Variants in MAGI3 observed in about 807,000 individuals in gnomAD.
MAGI3 encodes membrane associated guanylate kinase, WW and PDZ domain containing 3.
A neutral mutation model predicts 121.8 loss-of-function variants in MAGI3; 43 were observed. That is an observed-to-expected ratio of 0.35 (90% CI 0.28 to 0.46). The LOEUF (loss-of-function observed/expected upper bound fraction) is 0.46. MAGI3 is among the 20% of genes least tolerant of loss of function. MAGI3 has a pLI of 1.00. For missense variants in MAGI3, 1,547 were observed against 1,797.3 expected (o/e 0.86, Z 2.52); for synonymous variants, 553 against 639.3 (o/e 0.86, Z 2.04).
At chr1:113,616,001 C>T (rs1650436169) in intron 7 of MAGI3, among the ~76,000 whole-genome samples, 1 of 152,102 alleles carries the variant, frequency 6.6e-6, no homozygotes, top group Non-Finnish European at 1.5e-5. Flanking sequence ...ATTGACACTG[C>T]TGAACATTTC....
chr1:113,612,078 G>C (rs911055651), intron 6 of MAGI3, among the ~76,000 whole-genome samples: 1 of 151,984 alleles, frequency 6.6e-6, no homozygotes, highest in African/African-American at 2.4e-5. Context: ...TGAGTAGCTG[G>C]GACTACAGGC....
Position 113,560,361 on chromosome 1 carries a change from G to A in MAGI3, c.433+10730G>A, listed in dbSNP as rs182973547. On this transcript the variant is annotated intron_variant, in intron 2 of 20. Transcript: ENST00000307546. The stretch of plus-strand genomic sequence containing the variant: ...ACTGCACTCCTGCCTGAGTCACAGA[G>A]CGAGACTCCATCTTAAAAAACAAAC... Among the ~76,000 whole-genome samples, 23 of 151,788 alleles carry A rather than the reference G, an allele frequency of 1.5e-4. No individual in the cohort carries two copies. In the East Asian group the frequency reaches 4.3e-3, roughly 28 times the overall value.
intron 1 of MAGI3, among the ~76,000 whole-genome samples, chr1:113,461,518 C>A (rs1273051564): frequency 6.6e-6 from 1 of 152,172 alleles, no homozygotes; most frequent in Non-Finnish European, 1.5e-5. Context: ...ACTGGCTAGC[C>A]ATATGCAGAA....
At chr1:113,529,083 ATAAAG>A (rs1658586820) in intron 1 of MAGI3, among the ~76,000 whole-genome samples, 1 of 152,218 alleles carries the variant, frequency 6.6e-6, no homozygotes, top group Admixed American at 6.5e-5. Context: ...ACACTATATT[ATAAAG>A]TATAGTTGGA....
chr1:113,470,591 A>G (rs1655495776), intron 1 of MAGI3, among the ~76,000 whole-genome samples: 3 of 152,214 alleles, frequency 2.0e-5, no homozygotes, highest in Admixed American at 2.0e-4. Flanking sequence ...TAAGTTTACA[A>G]TGCAGAATTA....
At chr1:113,522,905 A>G (rs951249543) in intron 1 of MAGI3, among the ~76,000 whole-genome samples, 6 of 152,186 alleles carry the variant, frequency 3.9e-5, no homozygotes, top group African/African-American at 1.2e-4. Context: ...TAAGAAAGAG[A>G]CAATGAAAGT....
At chr1:113,480,821 C>A (rs1413102092) in intron 1 of MAGI3, among the ~76,000 whole-genome samples, 1 of 152,062 alleles carries the variant, frequency 6.6e-6, no homozygotes, top group African/African-American at 2.4e-5. Flanking sequence ...GCTGGAAACT[C>A]CTATTCTGCC....
intron 1 of MAGI3, among the ~76,000 whole-genome samples, chr1:113,479,763 T>C (rs1160150067): frequency 6.6e-6 from 1 of 152,148 alleles, no homozygotes; most frequent in African/African-American, 2.4e-5. Context: ...TGCCATAGAC[T>C]ATCTTCACTC....
intron 1 of MAGI3, among the ~76,000 whole-genome samples, chr1:113,482,449 A>G (rs1656156364): frequency 6.6e-6 from 1 of 151,768 alleles, no homozygotes; most frequent in Non-Finnish European, 1.5e-5. Context: ...TCCTTGATCC[A>G]CCTCAGTCTC....
intron 19 of MAGI3, among the ~76,000 whole-genome samples, chr1:113,675,767 T>G (rs1647829651): frequency 6.6e-6 from 1 of 152,132 alleles, no homozygotes; most frequent in Admixed American, 6.5e-5. Flanking sequence ...GAGGGACCGA[T>G]GGCCTTAATA....
chr1:113,561,096 G>A (rs1660216727), intron 2 of MAGI3, among the ~76,000 whole-genome samples: 1 of 152,084 alleles, frequency 6.6e-6, no homozygotes, highest in Non-Finnish European at 1.5e-5. Context: ...GAGACCAATA[G>A]CCAGTTCTGA....
chr1:113,624,551 T>A (rs969427416), intron 9 of MAGI3, among the ~76,000 whole-genome samples: 1 of 152,228 alleles, frequency 6.6e-6, no homozygotes, highest in Non-Finnish European at 1.5e-5. Context: ...CATTTTTTAA[T>A]CAGATTATTA....
At chr1:113,619,610 T>C in intron 7 of MAGI3, 126 bp from the exon 8 acceptor site, 2 of 629,770 alleles carry the variant, frequency 3.2e-6, no homozygotes, top group Non-Finnish European at 5.5e-6. Context: ...AGTCTCTCCA[T>C]GTTCCATAGC....
At chr1:113,551,450 A>G (rs971301746) in intron 2 of MAGI3, among the ~76,000 whole-genome samples, 2 of 152,242 alleles carry the variant, frequency 1.3e-5, no homozygotes, top group Admixed American at 6.5e-5. Flanking sequence ...AAAGATTTCT[A>G]CTGACAAAGT....
chr1:113,622,965 C>A lies in MAGI3; in HGVS notation c.1331C>A (p.Pro444His). The A allele has an allele frequency of 6.4e-7, 1 of 1,552,682 alleles. No homozygotes were observed. The highest frequency in any genetic ancestry group is 8.6e-7 in the Non-Finnish European group (1 of 1,157,212). The change falls in exon 9 of 21, where the codon CCC becomes CAC. Residue 444 changes from proline (P) to histidine (H), a missense_variant. Physicochemically the swap from Pro to His is moderately conservative, Grantham distance 77. Coordinates refer to ENST00000307546, the MANE Select transcript of MAGI3 (RefSeq NM_001142782.2). ...LQVKNVLKDGPAAQDGKIAPG... is the reference protein window; with the variant it reads ...LQVKNVLKDGHAAQDGKIAPG... ...GTGAAAAATGTGCTGAAAGATGGTC[C>A]CGCAGCTCAGGATGGGAAAATTGCA...
At chr1:113,557,098 C>T (rs950334511) in intron 2 of MAGI3, among the ~76,000 whole-genome samples, 1 of 152,218 alleles carries the variant, frequency 6.6e-6, no homozygotes, top group African/African-American at 2.4e-5. Flanking sequence ...TCAGCCATTC[C>T]AGCCTGCGGG....
chr1:113,644,393 G>C (rs1333739310), intron 11 of MAGI3, among the ~76,000 whole-genome samples: 1 of 152,116 alleles, frequency 6.6e-6, no homozygotes, highest in South Asian at 2.1e-4. Flanking sequence ...CGATTCTCCT[G>C]CCTCAGCCTC....
chr1:113,679,897 G>T (rs1387595247), intron 19 of MAGI3, among the ~76,000 whole-genome samples: 1 of 151,804 alleles, frequency 6.6e-6, no homozygotes, highest in East Asian at 1.9e-4. Context: ...TAGAGACCGG[G>T]TTTCTCCATG....
intron 1 of MAGI3, among the ~76,000 whole-genome samples, chr1:113,475,493 T>A (rs183184986): frequency 2.0e-5 from 3 of 152,334 alleles, no homozygotes; most frequent in Admixed American, 2.0e-4. Context: ...GAGATAATCA[T>A]GTGGTTTTGT....
Sources: allele counts gnomAD v4.1 joint callset (sites outside exome capture counted in the v4.1 genomes callset), GRCh38; gene constraint gnomAD v4.1.1; transcripts MANE v1.5; gene names NCBI Gene and HGNC (gene_info 2026-07-23, HGNC 2026-07-21).